The following NAA16 variants were observed in gnomAD, a reference collection of about 807,000 sequenced individuals.
NAA16 encodes the protein NARG1-like protein.
Under a neutral mutation model 110.3 loss-of-function variants are expected in NAA16, and 97 were observed. That is an observed-to-expected ratio of 0.88 (90% confidence interval 0.75 to 1.04). The LOEUF (loss-of-function observed/expected upper bound fraction) is 1.04. Ranked by LOEUF, NAA16 falls within the 50% of genes least tolerant of loss-of-function variation. NAA16 has a pLI of 0.00. For missense variants in NAA16, 1,017 were observed against 1,005.1 expected (o/e 1.01, Z -0.16); for synonymous variants, 372 against 330.6 (o/e 1.13, Z -1.36).
At position 41,358,974 on chromosome 13, in the gene NAA16, C is replaced by A; in HGVS notation, c.1410+12C>A. On this transcript the variant is annotated intron_variant, in intron 12 of 19. Coordinates refer to ENST00000379406, the MANE Select transcript of NAA16 (RefSeq NM_024561.5). ...CCAAGTTCACAAGGGTAGGAAATAG[C>A]ATGCATGAGCATGTAATTGTCTAAA... 1 of 1,578,776 alleles carries A rather than the reference C, an allele frequency of 6.3e-7. No homozygotes were observed. Among genetic ancestry groups the A allele is most frequent in the Non-Finnish European group, 8.7e-7 (1 of 1,155,852 alleles).
In NAA16 at chr13:41,375,464, A is replaced by G. The variant is rs762368067; in HGVS notation, c.2457A>G (p.Gln819=). 1.1e-5 allele frequency: 17 copies of G among 1,613,966 alleles called. No individual in the cohort carries two copies. The African/African-American group carries it at 2.0e-4, about 19-fold the overall frequency. Residue 819 remains glutamine, a synonymous_variant, in exon 20 of 20, where the codon CAA becomes CAG. Transcript: ENST00000379406. ...LDGSFGNCSS[Q]YEEYRMACHN... is the part of the protein sequence containing the mutation. ...GCAGCTTTGGGAACTGTAGTTCCCA[A>G]TATGAAGAATATAGGATGGCCTGTC...
At chr13:41,327,065 C>G (rs796733029) in intron 6 of NAA16, among the ~76,000 whole-genome samples, 2 of 152,212 alleles carry the variant, frequency 1.3e-5, no homozygotes, top group African/African-American at 2.4e-5. Flanking sequence ...CAAATCATCT[C>G]TTGCCTGAGA....
intron 10 of NAA16, among the ~76,000 whole-genome samples, chr13:41,355,425 T>G (rs1405737093): frequency 5.9e-5 from 9 of 152,166 alleles, no homozygotes; most frequent in Non-Finnish European, 1.2e-4. Flanking sequence ...TGTGCGGTTT[T>G]TTTGTTTGTT....
chr13:41,369,259 A>G lies in NAA16; in HGVS notation c.1923A>G (p.Glu641=), dbSNP rs200001978. 5.7e-6 allele frequency: 9 copies of G among 1,570,138 alleles called. No homozygotes were observed. The Admixed American group carries it at 1.3e-4, about 22-fold the overall frequency. ...AAGAAGCCAGTGGCCTTAAGGAAGA[A>G]CTTATACCTGAAAAATTAGAAAGGG... ...EEEEASGLKE[E]LIPEKLERVE... Residue 641 remains glutamate, a synonymous_variant, in exon 15 of 20, where the codon GAA becomes GAG. Coordinates refer to ENST00000379406, the MANE Select transcript of NAA16 (RefSeq NM_024561.5).
At chr13:41,337,320 G>T (rs1008599533) in intron 9 of NAA16, among the ~76,000 whole-genome samples, 1 of 152,126 alleles carries the variant, frequency 6.6e-6, no homozygotes, top group South Asian at 2.1e-4. Flanking sequence ...GAGGTAGGCA[G>T]ATCGCGAGGT....
At chr13:41,353,070 C>T (rs193044896) in intron 9 of NAA16, among the ~76,000 whole-genome samples, 34 of 152,054 alleles carry the variant, frequency 2.2e-4, no homozygotes, top group African/African-American at 7.5e-4. Context: ...GAGCAGAGAT[C>T]GCGCCACTGC....
intron 9 of NAA16, among the ~76,000 whole-genome samples, chr13:41,338,476 A>G (rs2042442560): frequency 6.6e-6 from 1 of 152,206 alleles, no homozygotes; most frequent in Admixed American, 6.5e-5. Flanking sequence ...TACAGGAACC[A>G]TCTCTTTAGT....
chr13:41,332,312 T>A (rs1028434879), intron 8 of NAA16, among the ~76,000 whole-genome samples: 1 of 152,220 alleles, frequency 6.6e-6, no homozygotes, highest in Non-Finnish European at 1.5e-5. Flanking sequence ...CTTTTGCCAT[T>A]ACTTTTATTT....
intron 18 of NAA16, 33 bp downstream of exon 18, chr13:41,373,813 A>G (rs1013179841): frequency 1.7e-5 from 27 of 1,556,674 alleles, no homozygotes; most frequent in Non-Finnish European, 2.1e-5. Flanking sequence ...TAAAATACTT[A>G]TGGAAAAAGC....
chr13:41,375,716 A>G lies in NAA16; in HGVS notation c.*114A>G, dbSNP rs953234534. ...ATGAAATATTTGGTTAGGATTTTTA[A>G]ATGGCATATTCTGTAAGCTTATTTT... is the stretch of plus-strand genomic sequence containing the variant. On this transcript the variant is annotated 3_prime_UTR_variant, in exon 20 of 20. Coordinates refer to ENST00000379406, the MANE Select transcript of NAA16 (RefSeq NM_024561.5). 7 of 766,338 alleles carry G rather than the reference A, an allele frequency of 9.1e-6. No homozygotes were observed. The highest frequency in any genetic ancestry group is 1.4e-5 in the Non-Finnish European group (7 of 493,270). The allele number at this position is 766,338 out of a possible 1,614,324, so 47.5% of individuals were successfully genotyped here. A position where few individuals can be genotyped will look rare whatever the true frequency, so the allele number is the denominator to read the frequency against.
intron 10 of NAA16, among the ~76,000 whole-genome samples, chr13:41,356,398 AACACG>A: frequency 6.7e-6 from 1 of 149,186 alleles, no homozygotes; most frequent in Non-Finnish European, 1.5e-5. Context: ...CTCTATTTAA[AACACG>A]TAAACAGAAG....
At chr13:41,335,644 T>G (rs2042360089) in intron 8 of NAA16, among the ~76,000 whole-genome samples, 1 of 152,254 alleles carries the variant, frequency 6.6e-6, no homozygotes, top group African/African-American at 2.4e-5. Context: ...AGAGATTATC[T>G]GAATACAATC....
At chr13:41,324,989 A>C (rs1377880544) in intron 5 of NAA16, among the ~76,000 whole-genome samples, 9 of 103,796 alleles carry the variant, frequency 8.7e-5, no homozygotes, top group African/African-American at 3.1e-4. Flanking sequence ...ACTGAGTTTC[A>C]CTCTTGTTGC....
intron 14 of NAA16, 106 bp from the exon 15 acceptor site, chr13:41,368,983 TC>T: frequency 1.1e-6 from 1 of 898,058 alleles, no homozygotes; most frequent in Non-Finnish European, 1.7e-6. Flanking sequence ...CATGAACCAA[TC>T]CCCCACTGAT....
chr13:41,318,448 C>T (rs940104574), intron 2 of NAA16, among the ~76,000 whole-genome samples: 6 of 152,076 alleles, frequency 3.9e-5, no homozygotes, highest in East Asian at 1.9e-4. Flanking sequence ...ATGATCCACC[C>T]GCCTCAGCCT....
chr13:41,316,457 C>G (rs1208927662), intron 1 of NAA16, among the ~76,000 whole-genome samples: 2 of 152,048 alleles, frequency 1.3e-5, no homozygotes, highest in Non-Finnish European at 2.9e-5. Flanking sequence ...CAGGCACGCA[C>G]CACCACACCC....
chr13:41,332,266 C>A (rs2042259400), intron 8 of NAA16, among the ~76,000 whole-genome samples: 1 of 152,142 alleles, frequency 6.6e-6, no homozygotes, highest in African/African-American at 2.4e-5. Context: ...ATCATCATTC[C>A]CTCAGAGTTA....
chr13:41,322,911 A>G (rs2041983248), intron 4 of NAA16, 145 bp from the exon 5 acceptor site: 2 of 766,626 alleles, frequency 2.6e-6, no homozygotes, highest in Non-Finnish European at 4.3e-6. Flanking sequence ...TTAGGTAGGA[A>G]ACATAAAAAG....
At chr13:41,364,009 G>C (rs1446165529) in intron 13 of NAA16, among the ~76,000 whole-genome samples, 1 of 152,022 alleles carries the variant, frequency 6.6e-6, no homozygotes, top group Non-Finnish European at 1.5e-5. Context: ...AATGATTAAT[G>C]CTTCTTAATT....
Sources: gnomAD v4.1 joint callset for allele counts (sites outside exome capture counted in the v4.1 genomes callset) on GRCh38, gnomAD v4.1.1 for gene constraint, MANE v1.5 for transcripts, NCBI Gene and HGNC (gene_info 2026-07-23, HGNC 2026-07-21) for gene names.